MSN: variants seen among roughly 807,000 people sequenced by gnomAD.
MSN encodes the protein epididymis luminal protein 70.
A neutral mutation model predicts 48.0 loss-of-function variants in MSN; 2 were observed. That is an observed-to-expected ratio of 0.04 (90% confidence interval 0.02 to 0.13). The LOEUF (loss-of-function observed/expected upper bound fraction) is 0.13. MSN is among the 10% of genes least tolerant of loss of function. MSN has a pLI of 1.00. For missense variants in MSN, 267 were observed against 470.1 expected (o/e 0.57, Z 3.99); for synonymous variants, 146 against 166.9 (o/e 0.87, Z 0.97).
At chrX:65,600,767 T>C (rs1421327559) in intron 1 of MSN, 2 of 112,070 alleles carry the variant, frequency 1.8e-5, no homozygotes, top group Admixed American at 9.5e-5. Flanking sequence ...GGGAGGGGAA[T>C]GCAGTCTTAA....
chrX:65,711,326 C>T (rs1379328007), intron 1 of MSN, among the ~76,000 whole-genome samples: 1 of 111,287 alleles, frequency 9.0e-6, no homozygotes, highest in Non-Finnish European at 1.9e-5. Flanking sequence ...TCCCAAAGTG[C>T]TGGGATTACA....
At chrX:65,703,941 C>T (rs1004061126) in intron 1 of MSN, among the ~76,000 whole-genome samples, 6 of 111,887 alleles carry the variant, frequency 5.4e-5, no homozygotes, top group Non-Finnish European at 9.4e-5. Flanking sequence ...ATCCTGGCTT[C>T]AGCAGTTTTA....
upstream of MSN, among the ~76,000 whole-genome samples, chrX:65,666,328 T>C (rs2070869561): frequency 9.2e-6 from 1 of 108,488 alleles, no homozygotes; most frequent in Non-Finnish European, 1.9e-5. Flanking sequence ...TCACTTACTA[T>C]TATTATTATT....
chrX:65,633,674 C>T (rs1196296070), intron 1 of MSN, among the ~76,000 whole-genome samples: 1 of 112,139 alleles, frequency 8.9e-6, no homozygotes, highest in Non-Finnish European at 1.9e-5. Context: ...TCCCTTGGGC[C>T]AGCCTCTTCT....
At chrX:65,682,919 C>T (rs759118138) in intron 1 of MSN, among the ~76,000 whole-genome samples, 1 of 111,971 alleles carries the variant, frequency 8.9e-6, no homozygotes, top group Non-Finnish European at 1.9e-5. Flanking sequence ...AAGGCATTGT[C>T]TCTCTTGTGC....
chrX:65,602,739 C>G (rs963675812), intron 1 of MSN, among the ~76,000 whole-genome samples: 1 of 112,081 alleles, frequency 8.9e-6, no homozygotes, highest in African/African-American at 3.2e-5. Context: ...TTCTACCTCA[C>G]GGGGCTGTTG....
intron 1 of MSN, among the ~76,000 whole-genome samples, chrX:65,615,390 T>A (rs1223641134): frequency 9.1e-6 from 1 of 109,735 alleles, no homozygotes; most frequent in African/African-American, 3.5e-5. Context: ...TTTTAATGAT[T>A]GCCATTCTAA....
At chrX:65,643,711 G>A (rs766668954) in intron 1 of MSN, among the ~76,000 whole-genome samples, 27 of 111,611 alleles carry the variant, frequency 2.4e-4, no homozygotes, top group Admixed American at 2.4e-3. Flanking sequence ...TCTAGTTTGA[G>A]GGAGAAGAAA....
At chrX:65,633,259 A>T (rs993851986) in intron 1 of MSN, among the ~76,000 whole-genome samples, 1 of 110,855 alleles carries the variant, frequency 9.0e-6, no homozygotes, top group Non-Finnish European at 1.9e-5. Flanking sequence ...CTTTTTTTGC[A>T]CCCCTTTTCT....
intron 1 of MSN, among the ~76,000 whole-genome samples, chrX:65,655,561 C>T (rs771618361): frequency 8.9e-6 from 1 of 112,119 alleles, no homozygotes; most frequent in East Asian, 2.8e-4. Flanking sequence ...TTTTGAATGA[C>T]TCTCTCCAGT....
chrX:65,732,053 G>T, intron 6 of MSN, 69 bp downstream of exon 6: 1 of 1,090,462 alleles, frequency 9.2e-7, no homozygotes, highest in Non-Finnish European at 1.2e-6. Context: ...TCACCAAGGA[G>T]CAGGGCCATA....
chrX:65,692,412 G>A (rs1361789854), intron 1 of MSN, among the ~76,000 whole-genome samples: 1 of 112,512 alleles, frequency 8.9e-6, no homozygotes, highest in Non-Finnish European at 1.9e-5. Flanking sequence ...GAAGGGAGTA[G>A]GCTGCTATGT....
intron 1 of MSN, chrX:65,624,922 G>A (rs929611035): frequency 4.5e-5 from 5 of 111,807 alleles, no homozygotes; most frequent in Admixed American, 1.9e-4. Context: ...AGCAAGGGAC[G>A]AACTACAAAT....
At chrX:65,635,453 C>A (rs1452836973) in intron 1 of MSN, among the ~76,000 whole-genome samples, 1 of 111,475 alleles carries the variant, frequency 9.0e-6, no homozygotes, top group African/African-American at 3.3e-5. Context: ...GGTGGGGGCC[C>A]TCCAGCAGAC....
At chrX:65,595,877 T>C (rs2070182944) in intron 1 of MSN, among the ~76,000 whole-genome samples, 1 of 112,103 alleles carries the variant, frequency 8.9e-6, no homozygotes, top group African/African-American at 3.2e-5. Flanking sequence ...GTTTCCTGAA[T>C]GCCAGTTCAG....
At chrX:65,670,421 C>T (rs1377820428) in intron 1 of MSN, among the ~76,000 whole-genome samples, 3 of 111,319 alleles carry the variant, frequency 2.7e-5, no homozygotes, top group African/African-American at 9.8e-5. Flanking sequence ...CCCAACCTCC[C>T]CTACATTTGT....
At chrX:65,645,500 CG>C (rs1418219219) in intron 1 of MSN, among the ~76,000 whole-genome samples, 1 of 87,097 alleles carries the variant, frequency 1.1e-5, no homozygotes, top group African/African-American at 4.4e-5. Context: ...GTAGGCGGGG[CG>C]GGGGTGGTGG....
intron 2 of MSN, among the ~76,000 whole-genome samples, chrX:65,723,208 T>C (rs6525004): frequency 0.17 from 19,181 of 111,394 alleles, 4,082 homozygotes; most frequent in African/African-American, 0.6. Flanking sequence ...AGCTGTGAGA[T>C]GAATGTGGTT....
chrX:65,634,791 C>T (rs770964044), intron 1 of MSN, among the ~76,000 whole-genome samples: 66 of 111,964 alleles, frequency 5.9e-4, no homozygotes, highest in African/African-American at 1.9e-3. Flanking sequence ...ACTATCTACA[C>T]ATCTGCAGTA....
Sources: gnomAD v4.1 joint callset for allele counts (sites outside exome capture counted in the v4.1 genomes callset) on GRCh38, gnomAD v4.1.1 for gene constraint, MANE v1.5 for transcripts, NCBI Gene and HGNC (gene_info 2026-07-23, HGNC 2026-07-21) for gene names.